The following ANKS1B variants were observed in gnomAD, a reference collection of about 807,000 sequenced individuals.
The protein encoded by ANKS1B is ankyrin repeat and sterile alpha motif domain containing 1B, also known as ankyrin repeat and sterile alpha motif domain-containing protein 1B.
ANKS1B carries 36 observed loss-of-function variants against 148.3 expected under a neutral mutation model. That is an observed-to-expected ratio of 0.24 (90% confidence interval 0.19 to 0.32). The LOEUF (loss-of-function observed/expected upper bound fraction) is 0.32, where lower values mean the gene tolerates loss of function less well. ANKS1B is among the 10% of genes least tolerant of loss of function. The pLI, the probability that ANKS1B is intolerant of heterozygous loss-of-function variation, is 1.00. For synonymous variants in ANKS1B, 542 were observed against 560.8 expected (o/e 0.97, Z 0.47); for missense variants, 1,157 against 1,542.6 (o/e 0.75, Z 4.19).
At chr12:99,057,624 G>T (rs1257038700) in intron 16 of ANKS1B, among the ~76,000 whole-genome samples, 1 of 152,138 alleles carries the variant, frequency 6.6e-6, no homozygotes, top group African/African-American at 2.4e-5. Context: ...TACTGTATTA[G>T]AATTATGCCC....
chr12:99,182,720 T>C (rs1279794990), intron 14 of ANKS1B, among the ~76,000 whole-genome samples: 1 of 152,130 alleles, frequency 6.6e-6, no homozygotes. Context: ...ACTTTTAGTT[T>C]TTTCAGGAAC....
intron 8 of ANKS1B, among the ~76,000 whole-genome samples, chr12:99,715,410 A>G (rs2057183980): frequency 6.6e-6 from 1 of 152,154 alleles, no homozygotes; most frequent in African/African-American, 2.4e-5. Flanking sequence ...CCTGCCCACC[A>G]GAGAACAATT....
chr12:99,777,806 G>C (rs1465912102), intron 6 of ANKS1B, among the ~76,000 whole-genome samples: 2 of 151,324 alleles, frequency 1.3e-5, no homozygotes, highest in East Asian at 2.0e-4. Flanking sequence ...GGATGGTCTA[G>C]ATCTCCTGAC....
intron 10 of ANKS1B, among the ~76,000 whole-genome samples, chr12:99,459,213 C>G (rs533528977): frequency 7.2e-5 from 11 of 152,074 alleles, no homozygotes; most frequent in Non-Finnish European, 1.0e-4. Flanking sequence ...ATCCAGCATC[C>G]CTTTATGATT....
intron 9 of ANKS1B, among the ~76,000 whole-genome samples, chr12:99,575,473 T>A (rs2097507417): frequency 6.6e-6 from 1 of 152,020 alleles, no homozygotes. Context: ...ACTGGGTAAT[T>A]TATAAAGGAA....
At chr12:99,583,647 CT>C (rs1237350034) in intron 9 of ANKS1B, among the ~76,000 whole-genome samples, 1 of 151,976 alleles carries the variant, frequency 6.6e-6, no homozygotes, top group African/African-American at 2.4e-5. Context: ...CAGGGTGCTT[CT>C]TTTTTTTCAA....
chr12:99,204,477 C>T (rs10507109), intron 14 of ANKS1B, among the ~76,000 whole-genome samples: 2,992 of 152,318 alleles, frequency 0.02, 44 homozygotes, highest in Non-Finnish European at 0.031. Context: ...TGAGTGAAAT[C>T]CGATCTCCAT....
At chr12:98,817,141 G>T (rs577261737) in intron 19 of ANKS1B, among the ~76,000 whole-genome samples, 1 of 152,332 alleles carries the variant, frequency 6.6e-6, no homozygotes, top group African/African-American at 2.4e-5. Context: ...AAGGAATAAT[G>T]AAGTGCATTC....
At chr12:98,806,234 C>A (rs531266125) in intron 20 of ANKS1B, among the ~76,000 whole-genome samples, 2 of 152,272 alleles carry the variant, frequency 1.3e-5, no homozygotes, top group Non-Finnish European at 2.9e-5. Context: ...AATTAAAAGC[C>A]ATGCTTACAA....
intron 4 of ANKS1B, among the ~76,000 whole-genome samples, chr12:99,804,086 T>C (rs886855566): frequency 1.6e-4 from 24 of 152,184 alleles, no homozygotes; most frequent in African/African-American, 5.5e-4. Context: ...TGTCATCTAG[T>C]ACAAAACATG....
At chr12:99,522,818 T>C (rs1264639973) in intron 9 of ANKS1B, among the ~76,000 whole-genome samples, 1 of 152,146 alleles carries the variant, frequency 6.6e-6, no homozygotes, top group Admixed American at 6.5e-5. Flanking sequence ...CACTCTTCAG[T>C]GCTAATTAGT....
At chr12:99,765,610 C>T (rs2062571021) in intron 8 of ANKS1B, among the ~76,000 whole-genome samples, 1 of 152,068 alleles carries the variant, frequency 6.6e-6, no homozygotes, top group African/African-American at 2.4e-5. Context: ...TTTGCTATTC[C>T]TCCCTAACTT....
At chr12:99,659,675 T>A (rs1257783411) in intron 8 of ANKS1B, among the ~76,000 whole-genome samples, 1 of 152,118 alleles carries the variant, frequency 6.6e-6, no homozygotes, top group African/African-American at 2.4e-5. Flanking sequence ...TGTGTGTATG[T>A]GTAAATTATA....
At chr12:98,782,205 G>A in intron 22 of ANKS1B, 68 bp from the exon 23 acceptor site, 1 of 1,317,034 alleles carries the variant, frequency 7.6e-7, no homozygotes, top group African/African-American at 1.5e-5. Flanking sequence ...AGGTGAGAGA[G>A]AGGAAACCAT....
chr12:99,452,979 G>A (rs557163270), intron 10 of ANKS1B, among the ~76,000 whole-genome samples: 5 of 152,304 alleles, frequency 3.3e-5, no homozygotes, highest in Admixed American at 2.0e-4. Context: ...AGTTGAACTC[G>A]TTGAATTGCT....
chr12:99,420,507 T>C (rs2095049427), intron 11 of ANKS1B, among the ~76,000 whole-genome samples: 1 of 152,214 alleles, frequency 6.6e-6, no homozygotes, highest in African/African-American at 2.4e-5. Flanking sequence ...CATAATATGA[T>C]AGCAATAAGT....
intron 8 of ANKS1B, among the ~76,000 whole-genome samples, chr12:99,758,897 G>C (rs867979666): frequency 6.6e-6 from 1 of 151,722 alleles, no homozygotes; most frequent in South Asian, 2.1e-4. Flanking sequence ...GAGATTCAAG[G>C]GCAAAAGGAA....
At chr12:99,333,853 A>ATTTTTTTTTTTTTTTTTT (rs2088093891) in intron 12 of ANKS1B, among the ~76,000 whole-genome samples, 4 of 87,620 alleles carry the variant, frequency 4.6e-5, no homozygotes, top group African/African-American at 3.6e-4. Flanking sequence ...TCCAGTTCTC[A>ATTTTTTTTTTTTTTTTTT]GTTTTTTTTT....
intron 8 of ANKS1B, among the ~76,000 whole-genome samples, chr12:99,714,243 C>T (rs181505577): frequency 8.0e-6 from 1 of 125,758 alleles, no homozygotes; most frequent in Non-Finnish European, 1.8e-5. Context: ...ATGACACTAC[C>T]CCTCATGCCT....
Sources: allele counts gnomAD v4.1 joint callset (sites outside exome capture counted in the v4.1 genomes callset), GRCh38; gene constraint gnomAD v4.1.1; transcripts MANE v1.5; gene names NCBI Gene and HGNC (gene_info 2026-07-23, HGNC 2026-07-21).